Variants in CCDC6 observed in about 807,000 individuals in gnomAD.
CCDC6 encodes the protein coiled-coil domain-containing protein 6.
CCDC6 carries 20 observed loss-of-function variants against 56.6 expected under a neutral mutation model. The observed-to-expected ratio is 0.35, with a 90% confidence interval of 0.25 to 0.51. The LOEUF is 0.51. Ranked by LOEUF, CCDC6 falls within the 20% of genes least tolerant of loss-of-function variation. The pLI is 0.95. For missense variants in CCDC6, 367 were observed against 601.1 expected, an observed-to-expected ratio of 0.61 and a Z score of 4.07; for synonymous variants, 241 against 234.4, an observed-to-expected ratio of 1.03 and a Z score of -0.26.
intron 2 of CCDC6, among the ~76,000 whole-genome samples, chr10:59,838,777 T>G (rs2070908492): frequency 6.6e-6 from 1 of 152,104 alleles, no homozygotes; most frequent in Non-Finnish European, 1.5e-5. Flanking sequence ...ACAGAAACCA[T>G]GCCACTCACT....
intron 1 of CCDC6, among the ~76,000 whole-genome samples, chr10:59,869,845 A>C (rs2071212956): frequency 6.6e-6 from 1 of 151,906 alleles, no homozygotes; most frequent in Non-Finnish European, 1.5e-5. Context: ...TCTTGCCCCG[A>C]CACCCACGAC....
chr10:59,799,104 G>T (rs930516605), intron 7 of CCDC6, among the ~76,000 whole-genome samples: 22 of 151,296 alleles, frequency 1.5e-4, no homozygotes, highest in African/African-American at 5.1e-4. Context: ...TTTTCTGAAG[G>T]GTAATTATGA....
intron 1 of CCDC6, among the ~76,000 whole-genome samples, chr10:59,887,472 T>C (rs1264761971): frequency 7.5e-6 from 1 of 133,346 alleles, no homozygotes; most frequent in Non-Finnish European, 1.6e-5. Context: ...TGGCTTACCA[T>C]GCAACTGTTA....
intron 2 of CCDC6, among the ~76,000 whole-genome samples, chr10:59,840,015 G>A (rs1396658105): frequency 5.3e-5 from 8 of 152,012 alleles, no homozygotes; most frequent in African/African-American, 9.7e-5. Context: ...TAGTAGACAC[G>A]GGGTTTCACC....
chr10:59,874,753 C>T (rs1416482720), intron 1 of CCDC6, among the ~76,000 whole-genome samples: 1 of 152,048 alleles, frequency 6.6e-6, no homozygotes, highest in Non-Finnish European at 1.5e-5. Context: ...CAGAGTGATG[C>T]CTAATGATGA....
intron 1 of CCDC6, among the ~76,000 whole-genome samples, chr10:59,893,887 C>T (rs2071442857): frequency 6.6e-6 from 1 of 152,114 alleles, no homozygotes; most frequent in African/African-American, 2.4e-5. Flanking sequence ...CGTCCAACTG[C>T]TGTGTTCAAT....
chr10:59,839,880 T>C (rs7088808), intron 2 of CCDC6, among the ~76,000 whole-genome samples: 77,709 of 151,908 alleles, frequency 0.51, 21,547 homozygotes, highest in African/African-American at 0.74. Flanking sequence ...GGCTGTAGTA[T>C]AGTGGCGTGA....
intron 1 of CCDC6, among the ~76,000 whole-genome samples, chr10:59,859,138 T>C (rs2071103046): frequency 6.6e-6 from 1 of 151,440 alleles, no homozygotes; most frequent in Non-Finnish European, 1.5e-5. Context: ...GGAGGGAACA[T>C]GAACACAAGG....
chr10:59,885,904 T>C (rs1302313531), intron 1 of CCDC6, among the ~76,000 whole-genome samples: 1 of 101,464 alleles, frequency 9.9e-6, no homozygotes, highest in Admixed American at 1.2e-4. Context: ...CTGATGTCTA[T>C]TTCCAACCCC....
intron 7 of CCDC6, among the ~76,000 whole-genome samples, chr10:59,797,683 T>TTGTGTGTGTGTGTGTGTGTGTG (rs72280811): frequency 1.1e-3 from 148 of 140,612 alleles, no homozygotes; most frequent in African/African-American, 3.5e-3. Context: ...AGTGAGAGTG[T>TTGTGTGTGTGTGTGTGTGTGTG]TGTGTGTGTG....
rs756730163 is a variant in CCDC6 at position 59,832,518 on chromosome 10, T to G, written c.582+7A>C. ...TACAATGTAAAGGAAGAGCTACAGG[T>G]GCTTACCTGTTCTAATGTAAGTTGC... On this transcript the variant is annotated splice_region_variant and intron_variant, in intron 3 of 8. Transcript: ENST00000263102. 1.2e-6 allele frequency: 2 copies of G among 1,610,630 alleles called. No homozygotes were observed. Among genetic ancestry groups the G allele is most frequent in the East Asian group, 4.5e-5 (2 of 44,774 alleles).
chr10:59,897,436 G>C (rs1378757925), intron 1 of CCDC6, among the ~76,000 whole-genome samples: 1 of 151,994 alleles, frequency 6.6e-6, no homozygotes, highest in Admixed American at 6.6e-5. Flanking sequence ...TGTATTTTTA[G>C]TAGAGAAGGG....
intron 1 of CCDC6, among the ~76,000 whole-genome samples, chr10:59,873,919 G>C (rs1166618234): frequency 6.6e-6 from 1 of 152,076 alleles, no homozygotes; most frequent in Non-Finnish European, 1.5e-5. Flanking sequence ...TTCTATATGA[G>C]AATGAATGTT....
At chr10:59,866,383 C>A (rs1157551989) in intron 1 of CCDC6, among the ~76,000 whole-genome samples, 2 of 152,172 alleles carry the variant, frequency 1.3e-5, no homozygotes, top group Admixed American at 6.5e-5. Context: ...AGAAGAAATA[C>A]AAGAGACTAC....
In CCDC6 at chr10:59,860,774, G is replaced by A. The variant is rs183991112; in HGVS notation, c.304-8072C>T. On this transcript the variant is annotated intron_variant, in intron 1 of 8. Transcript: ENST00000263102. Reference sequence around the variant, plus strand: ...TTTCCAGGCATAAAAACTACTGGGCGCGATGGCTTACGTCTGTAATCCCAG... The same window carrying A: ...TTTCCAGGCATAAAAACTACTGGGCACGATGGCTTACGTCTGTAATCCCAG... Among the ~76,000 whole-genome samples the A allele has an allele frequency of 4.6e-5, 7 of 152,224 alleles. No individual in the cohort carries two copies. In the East Asian group the frequency reaches 7.7e-4, roughly 17 times the overall value.
chr10:59,881,185 C>T (rs147134767), intron 1 of CCDC6, among the ~76,000 whole-genome samples: 55 of 152,256 alleles, frequency 3.6e-4, no homozygotes, highest in African/African-American at 1.3e-3. Flanking sequence ...TGTATTATCA[C>T]AGATGTCACC....
intron 5 of CCDC6, 27 bp from the exon 6 acceptor site, chr10:59,807,105 C>A (rs747756045): frequency 1.2e-6 from 2 of 1,608,156 alleles, no homozygotes; most frequent in South Asian, 2.2e-5. Context: ...TTCAATTAAA[C>A]CATGTTTCAT....
chr10:59,853,438 G>C (rs1366691442), intron 1 of CCDC6, among the ~76,000 whole-genome samples: 2 of 152,058 alleles, frequency 1.3e-5, no homozygotes, highest in African/African-American at 4.8e-5. Context: ...GGAGGCTAAG[G>C]CAAGAGGATC....
At chr10:59,793,331 G>A (rs1019859480) in intron 8 of CCDC6, among the ~76,000 whole-genome samples, 2 of 152,212 alleles carry the variant, frequency 1.3e-5, no homozygotes, top group African/African-American at 4.8e-5. Context: ...TAAAATTACT[G>A]CACAACTTGT....
Sources: allele counts gnomAD v4.1 joint callset (sites outside exome capture counted in the v4.1 genomes callset), GRCh38; gene constraint gnomAD v4.1.1; transcripts MANE v1.5; gene names NCBI Gene and HGNC (gene_info 2026-07-23, HGNC 2026-07-21).